Variants in AIFM3 observed in about 807,000 individuals in gnomAD.
AIFM3 encodes AIF family member 3.
A neutral mutation model predicts 82.7 loss-of-function variants in AIFM3; 71 were observed. That is an observed-to-expected ratio of 0.86 (90% CI 0.71 to 1.05). AIFM3 has a LOEUF of 1.05. Among genes scored for constraint, AIFM3 ranks in the 50% least tolerant of loss-of-function variants. AIFM3 has a pLI of 0.00. For missense variants in AIFM3, 748 were observed against 816.7 expected (o/e 0.92, Z 1.03); for synonymous variants, 337 against 329.1 (o/e 1.02, Z -0.26).
At position 20,973,384 on chromosome 22, in the gene AIFM3, C is replaced by T; in HGVS notation, c.109C>T (p.Pro37Ser). 1 of 1,611,148 alleles carries T rather than the reference C, an allele frequency of 6.2e-7. No individual in the cohort carries two copies. Among genetic ancestry groups the T allele is most frequent in the Non-Finnish European group, 8.5e-7 (1 of 1,179,280 alleles). The change falls in exon 3 of 21, where the codon CCC (proline) becomes TCC (serine). Residue 37 changes from proline to serine, a missense_variant. By Grantham distance (74) the Pro-to-Ser change is moderately conservative. Around this residue, in one of 5 missense-constraint regions of AIFM3, gnomAD observed 148 missense variants for 134.1 expected, o/e 1.10. Coordinates refer to ENST00000440238, the MANE Select transcript of AIFM3 (RefSeq NM_001386814.1). Reference protein sequence around the residue: ...EELSASGKGSPRAYQGNGTAR... With the variant: ...EELSASGKGSSRAYQGNGTAR... Reference sequence around the variant, plus strand: ...GCTGTCGGCCAGTGGGAAGGGCAGCCCCCGGGCCTACCAGGGCAATGGCAC... The same window carrying T: ...GCTGTCGGCCAGTGGGAAGGGCAGCTCCCGGGCCTACCAGGGCAATGGCAC...
At chr22:20,980,331 G>C (rs753841568) in intron 19 of AIFM3, 20 of 607,440 alleles carry the variant, frequency 3.3e-5, no homozygotes, top group Non-Finnish European at 4.9e-5. Flanking sequence ...GTGGATGGAA[G>C]GGATAGAGAT....
At chr22:20,968,565 T>C (rs1923066427) in intron 2 of AIFM3, among the ~76,000 whole-genome samples, 1 of 152,124 alleles carries the variant, frequency 6.6e-6, no homozygotes, top group Non-Finnish European at 1.5e-5. Flanking sequence ...TAGCCTGAGC[T>C]ACTCCAGCCA....
rs865989947 is a variant in AIFM3 at position 20,967,892 on chromosome 22, C to A, written c.-53C>A. On this transcript the variant is annotated 5_prime_UTR_variant, in exon 2 of 21. Transcript: ENST00000440238. ...CCCCATGGGGGGCGCCCTAGGCCTC[C>A]GACAGCTCCCCATCTGTGCTCCTGC... 3.7e-6 allele frequency: 6 copies of A among 1,611,912 alleles called. No homozygotes were observed. The South Asian group carries it at 4.4e-5, about 12-fold the overall frequency.
chr22:20,979,450 A>C, intron 17 of AIFM3, 81 bp downstream of exon 17: 1 of 1,480,906 alleles, frequency 6.8e-7, no homozygotes, highest in Non-Finnish European at 9.2e-7. Flanking sequence ...CTGGGAGCCT[A>C]GGGGCAGGGC....
chr22:20,980,288 A>C lies in AIFM3; in HGVS notation c.1757+164A>C, dbSNP rs1327722964. 9.3e-6 allele frequency: 6 copies of C among 643,466 alleles called. No homozygotes were observed. The East Asian group carries it at 1.6e-4, about 18-fold the overall frequency. The allele number at this position is 643,466 out of a possible 1,614,324, so 39.9% of individuals were successfully genotyped here. ...TACAGGGAGGTGTGGGGCAAGGATC[A>C]TGGTTTGAGAGCAGGCTGGTTATGT... is the stretch of plus-strand genomic sequence containing the variant. On this transcript the variant is annotated intron_variant, in intron 19 of 20. Transcript: ENST00000440238.
At chr22:20,979,147 C>G in intron 16 of AIFM3, 124 bp from the exon 17 acceptor site, 2 of 956,446 alleles carry the variant, frequency 2.1e-6, no homozygotes, top group African/African-American at 1.6e-5. Flanking sequence ...AATGATGTCT[C>G]TTGACCTCTG....
At chr22:20,973,899 C>A (rs1344737475) in intron 4 of AIFM3, 32 bp downstream of exon 4, 6 of 1,492,248 alleles carry the variant, frequency 4.0e-6, no homozygotes, top group Admixed American at 4.4e-5. Context: ...GTGAGGGGGA[C>A]CTTCCAGGCC....
rs1400292093 is a variant in AIFM3 at position 20,980,902 on chromosome 22, C to T, written c.1779-90C>T. The stretch of plus-strand genomic sequence containing the variant: ...TAGGGTCTGGCACAGAACAGACCCC[C>T]TGCTGTCCTCAAGGGCCAGCTGTTC... On this transcript the variant is annotated intron_variant, in intron 20 of 20. Coordinates refer to ENST00000440238, the MANE Select transcript of AIFM3 (RefSeq NM_001386814.1). The T allele has an allele frequency of 5.0e-6, 8 of 1,607,812 alleles. No homozygotes were observed. In the South Asian group the frequency reaches 6.6e-5, roughly 13 times the overall value.
At position 20,976,710 on chromosome 22, in the gene AIFM3, G is replaced by A; in HGVS notation, c.1090G>A (p.Glu364Lys). 6.2e-7 allele frequency: 1 copy of A among 1,609,350 alleles called. No homozygotes were observed. The stretch of plus-strand genomic sequence containing the variant: ...CCACTCTGTGTCTGTGGTGGAGCTG[G>A]AGGAGACGCCCTTCAGGAGGTTCCT... ...KAHSVSVVEL[E>K]ETPFRRFLGE... The change falls in exon 12 of 21, where the codon GAG becomes AAG. Residue 364 changes from glutamate to lysine, a missense_variant. Physicochemically the swap from Glu to Lys is moderately conservative, Grantham distance 56. Transcript: ENST00000440238.
chr22:20,971,446 G>T (rs571016738), intron 2 of AIFM3, among the ~76,000 whole-genome samples: 1 of 152,160 alleles, frequency 6.6e-6, no homozygotes, highest in Non-Finnish European at 1.5e-5. Context: ...AGGGGACCTG[G>T]CCAGCGTGGA....
chr22:20,967,570 G>A (rs772250431), intron 1 of AIFM3, among the ~76,000 whole-genome samples: 5 of 152,154 alleles, frequency 3.3e-5, no homozygotes, highest in Non-Finnish European at 7.4e-5. Context: ...GGGGCTGGAC[G>A]ATGGGCGGCC....
intron 2 of AIFM3, among the ~76,000 whole-genome samples, chr22:20,968,817 C>G (rs1187552184): frequency 6.6e-6 from 1 of 152,128 alleles, no homozygotes; most frequent in Non-Finnish European, 1.5e-5. Flanking sequence ...CTCACCCCAG[C>G]CAGCTCACCC....
At position 20,973,499 on chromosome 22, in the gene AIFM3, T is replaced by G. The variant is rs1923409994; in HGVS notation, c.224T>G (p.Val75Gly). ...QDCVEAAVCHVKDLENGQMRE... is the reference protein window; with the variant it reads ...QDCVEAAVCHGKDLENGQMRE... ...TGCGTGGAGGCTGCTGTCTGCCACG[T>G]CAAGGACCTCGAGAATGGCCAGTGG... Residue 75 changes from valine to glycine, a missense_variant, in exon 3 of 21, where the codon GTC becomes GGC. Val to Gly is a moderately radical substitution (Grantham distance 109). Transcript: ENST00000440238. 1 of 1,612,104 alleles carries G rather than the reference T, an allele frequency of 6.2e-7. No homozygotes were observed. The highest frequency in any genetic ancestry group is 1.1e-5 in the South Asian group (1 of 91,046).
At chr22:20,980,805 C>A in intron 20 of AIFM3, 38 bp downstream of exon 20, 1 of 1,613,416 alleles carries the variant, frequency 6.2e-7, no homozygotes, top group South Asian at 1.1e-5. Context: ...CTGAGCCTTT[C>A]CCATGTCAGC....
At chr22:20,977,388 A>G (rs178274) in intron 14 of AIFM3, 257,567 of 601,588 alleles carry the variant, frequency 0.43, 56,321 homozygotes, top group East Asian at 0.62. Flanking sequence ...CTCCAGCTGA[A>G]GTGCCAATTT....
At chr22:20,968,099 G>T (rs536669612) in intron 2 of AIFM3, 124 bp downstream of exon 2, 2 of 961,946 alleles carry the variant, frequency 2.1e-6, no homozygotes, top group Non-Finnish European at 3.1e-6. Flanking sequence ...CCAAGAACCC[G>T]CTCGGAATGT....
At position 20,981,291 on chromosome 22, in the gene AIFM3, C is replaced by A; in HGVS notation, c.*260C>A. The A allele has an allele frequency of 1.8e-6, 1 of 550,596 alleles. No homozygotes were observed. Among genetic ancestry groups the A allele is most frequent in the East Asian group, 3.1e-5 (1 of 32,176 alleles). 34.1% of individuals were successfully genotyped at this position (550,596 alleles called of 1,614,324 possible). ...CCTGCCTCTTCTCCCTCTATTGGGA[C>A]TGGTCCCCTGAAGAACCCTGCAACA... On this transcript the variant is annotated 3_prime_UTR_variant, in exon 21 of 21. Coordinates refer to ENST00000440238, the MANE Select transcript of AIFM3 (RefSeq NM_001386814.1).
chr22:20,974,782 G>C lies in AIFM3; in HGVS notation c.686G>C (p.Arg229Pro). The C allele has an allele frequency of 6.2e-7, 1 of 1,613,234 alleles. No homozygotes were observed. ...CGGATCGTCCTGTGCACGCTAGACC[G>C]GCACCTTCCCTACGACCGTCCCAAG... ...SDRIVLCTLD[R>P]HLPYDRPKLS... Residue 229 changes from arginine (R) to proline (P), a missense_variant, in exon 8 of 21, where the codon CGG (arginine) becomes CCG (proline). Arg to Pro is a moderately radical substitution (Grantham distance 103). Around this residue, in one of 5 missense-constraint regions of AIFM3, gnomAD observed 393 missense variants for 481.1 expected, o/e 0.82. Transcript: ENST00000440238.
At position 20,974,509 on chromosome 22, in the gene AIFM3, C is replaced by A. The variant is rs1168235718; in HGVS notation, c.511-16C>A. On this transcript the variant is annotated splice_polypyrimidine_tract_variant and intron_variant, in intron 6 of 20. Transcript: ENST00000440238. ...CAGAGGATGGCAGTGACCCTCCACC[C>A]TCCTGGCACCCACAGGCCCTACAGC... 6.2e-7 allele frequency: 1 copy of A among 1,606,298 alleles called. No individual in the cohort carries two copies. Among genetic ancestry groups the A allele is most frequent in the East Asian group, 2.2e-5 (1 of 44,580 alleles).
Sources: allele counts gnomAD v4.1 joint callset (sites outside exome capture counted in the v4.1 genomes callset), GRCh38; gene constraint gnomAD v4.1.1; regional missense constraint gnomAD v4.1.1; transcripts MANE v1.5; gene names NCBI Gene and HGNC (gene_info 2026-07-23, HGNC 2026-07-21).